TTC29: variants seen among roughly 807,000 people sequenced by gnomAD.
TTC29 encodes tetratricopeptide repeat domain 29.
A neutral mutation model predicts 58.1 loss-of-function variants in TTC29; 49 were observed. The observed-to-expected ratio is 0.84, with a 90% CI of 0.67 to 1.07. TTC29 has a LOEUF of 1.07. Among genes scored for constraint, TTC29 ranks in the 50% least tolerant of loss-of-function variants. The probability of loss-of-function intolerance (pLI) is 0.00; values close to 1 mark genes in which losing one functional copy is unlikely to be tolerated. For missense variants in TTC29, 582 were observed against 555.6 expected, an observed-to-expected ratio of 1.05 and a Z score of -0.48; for synonymous variants, 209 against 196.8, an observed-to-expected ratio of 1.06 and a Z score of -0.52.
intron 11 of TTC29, among the ~76,000 whole-genome samples, chr4:146,783,725 G>A (rs1279762055): frequency 1.3e-5 from 2 of 151,586 alleles, no homozygotes; most frequent in East Asian, 3.9e-4. Context: ...TTTCTAAAGT[G>A]TGAAGAGGTA....
chr4:146,834,218 G>A (rs1047597390), intron 8 of TTC29, among the ~76,000 whole-genome samples: 6 of 151,990 alleles, frequency 3.9e-5, no homozygotes, highest in African/African-American at 1.2e-4. Context: ...TAAAATACGG[G>A]ATTATTATCT....
At position 146,809,026 on chromosome 4, in the gene TTC29, T is replaced by A. The variant is rs575813525; in HGVS notation, c.1102-5341A>T. 3.3e-5 allele frequency among the ~76,000 whole-genome samples: 5 copies of A among 150,710 alleles called. 1 individual carries two copies. Among genetic ancestry groups the A allele is most frequent in the African/African-American group, 1.2e-4 (5 of 41,224 alleles). On this transcript the variant is annotated intron_variant, in intron 10 of 12. Transcript: ENST00000325106. ...AGTAACCAAAACAGCATGGTACTGG[T>A]ACCAAAACAGAGATATAGATCAATG...
intron 8 of TTC29, among the ~76,000 whole-genome samples, chr4:146,852,185 C>T (rs910494226): frequency 3.3e-5 from 5 of 152,140 alleles, no homozygotes; most frequent in African/African-American, 9.7e-5. Flanking sequence ...AGCAGAGGGG[C>T]GATTTCTTTT....
At chr4:146,777,344 G>C (rs1368938667) in intron 11 of TTC29, among the ~76,000 whole-genome samples, 1 of 152,076 alleles carries the variant, frequency 6.6e-6, no homozygotes, top group African/African-American at 2.4e-5. Flanking sequence ...CCAGATGCCA[G>C]AGCCAGGACT....
intron 3 of TTC29, among the ~76,000 whole-genome samples, chr4:146,939,285 C>T (rs966030230): frequency 2.0e-5 from 3 of 152,108 alleles, no homozygotes; most frequent in African/African-American, 7.2e-5. Context: ...TGAATCCTGT[C>T]TCTACTAAAA....
At chr4:146,751,433 G>C (rs59870291) in intron 11 of TTC29, among the ~76,000 whole-genome samples, 3 of 152,076 alleles carry the variant, frequency 2.0e-5, no homozygotes, top group Non-Finnish European at 1.5e-5. Context: ...GACATAAAAC[G>C]TTCTTCAGGA....
chr4:146,815,039 G>C (rs1751308131), intron 10 of TTC29, among the ~76,000 whole-genome samples: 1 of 152,140 alleles, frequency 6.6e-6, no homozygotes, highest in South Asian at 2.1e-4. Flanking sequence ...GACAGGGTAG[G>C]GATTTATGTT....
intron 5 of TTC29, among the ~76,000 whole-genome samples, chr4:146,906,396 G>A (rs575544239): frequency 6.6e-6 from 1 of 152,322 alleles, no homozygotes; most frequent in South Asian, 2.1e-4. Flanking sequence ...TGACCCTAGA[G>A]TGATGGTTCT....
intron 11 of TTC29, among the ~76,000 whole-genome samples, chr4:146,768,791 T>C (rs191471034): frequency 2.6e-3 from 393 of 152,168 alleles, no homozygotes; most frequent in Non-Finnish European, 4.3e-3. Context: ...CTGATTTTGC[T>C]ACAAAATGGT....
At chr4:146,844,533 CT>C (rs1057306963) in intron 8 of TTC29, among the ~76,000 whole-genome samples, 1 of 151,864 alleles carries the variant, frequency 6.6e-6, no homozygotes. Context: ...TCTTAACCTT[CT>C]TTTTTTTGTT....
chr4:146,943,575 G>A (rs771030574), intron 2 of TTC29, among the ~76,000 whole-genome samples: 3 of 152,128 alleles, frequency 2.0e-5, no homozygotes, highest in Non-Finnish European at 4.4e-5. Context: ...TCGGGAAAGT[G>A]AATTTTGTTT....
chr4:146,739,879 T>A (rs1044049524), intron 11 of TTC29, among the ~76,000 whole-genome samples: 1 of 152,194 alleles, frequency 6.6e-6, no homozygotes, highest in African/African-American at 2.4e-5. Flanking sequence ...CTAGGCTACA[T>A]CTCTCAGCCA....
chr4:146,899,301 G>A (rs1229350095), intron 6 of TTC29, among the ~76,000 whole-genome samples: 1 of 152,184 alleles, frequency 6.6e-6, no homozygotes, highest in Non-Finnish European at 1.5e-5. Context: ...AGACCTCTGT[G>A]TGCAGCTCTA....
intron 4 of TTC29, among the ~76,000 whole-genome samples, chr4:146,914,522 G>A (rs1237835684): frequency 6.6e-6 from 1 of 152,082 alleles, no homozygotes; most frequent in Non-Finnish European, 1.5e-5. Context: ...AAAATTTATG[G>A]AGAGATTTAA....
intron 8 of TTC29, among the ~76,000 whole-genome samples, chr4:146,865,319 C>T (rs1730494441): frequency 6.6e-6 from 1 of 152,156 alleles, no homozygotes; most frequent in South Asian, 2.1e-4. Context: ...TTATGTGAAA[C>T]AACCTTAATG....
intron 8 of TTC29, among the ~76,000 whole-genome samples, chr4:146,858,002 G>T (rs1450912094): frequency 6.6e-6 from 1 of 152,132 alleles, no homozygotes; most frequent in Non-Finnish European, 1.5e-5. Flanking sequence ...TAAGAATGAA[G>T]TAGAGACTTT....
chr4:146,750,066 G>C (rs184783966), intron 11 of TTC29, among the ~76,000 whole-genome samples: 36 of 152,224 alleles, frequency 2.4e-4, no homozygotes, highest in Admixed American at 2.4e-3. Flanking sequence ...GGAGTACAGT[G>C]GTGCGATCTC....
chr4:146,821,060 G>A (rs1448039545), intron 9 of TTC29, among the ~76,000 whole-genome samples: 5 of 151,968 alleles, frequency 3.3e-5, no homozygotes, highest in Non-Finnish European at 5.9e-5. Context: ...GATACATGTT[G>A]CAACATGGAT....
At chr4:146,802,905 A>G (rs1188021145) in intron 11 of TTC29, among the ~76,000 whole-genome samples, 1 of 152,206 alleles carries the variant, frequency 6.6e-6, no homozygotes, top group Non-Finnish European at 1.5e-5. Flanking sequence ...CATCCCTTCT[A>G]GTTGTTTGGT....
Sources: allele counts gnomAD v4.1 joint callset (sites outside exome capture counted in the v4.1 genomes callset), GRCh38; gene constraint gnomAD v4.1.1; transcripts MANE v1.5; gene names NCBI Gene and HGNC (gene_info 2026-07-23, HGNC 2026-07-21).